The following SLFN14 variants were observed in gnomAD, a reference collection of about 807,000 sequenced individuals.
SLFN14 encodes protein SLFN14.
SLFN14 carries 47 observed loss-of-function variants against 58.6 expected under a neutral mutation model. The ratio of observed to expected loss-of-function variants is 0.80; its 90% confidence interval spans 0.64 to 1.02. The LOEUF (loss-of-function observed/expected upper bound fraction) is 1.02, where lower values mean the gene tolerates loss of function less well. Among genes scored for constraint, SLFN14 ranks in the 50% least tolerant of loss-of-function variants. The pLI is 0.00. For synonymous variants in SLFN14, 390 were observed against 387.3 expected (o/e 1.01, Z -0.08); for missense variants, 967 against 1,078.4 (o/e 0.90, Z 1.45).
chr17:35,556,401 G>C (rs996485257), intron 3 of SLFN14, among the ~76,000 whole-genome samples: 5 of 152,146 alleles, frequency 3.3e-5, no homozygotes, highest in African/African-American at 1.2e-4. Flanking sequence ...GGGATGATCA[G>C]CCTGCACAAT....
chr17:35,549,111 A>G, intron 5 of SLFN14, 38 bp from the exon 6 acceptor site: 6 of 1,444,334 alleles, frequency 4.2e-6, no homozygotes, highest in Non-Finnish European at 5.7e-6. Context: ...AGGCATATCA[A>G]CAAAGAGAAC....
rs2072552449 is a variant in SLFN14 at position 35,548,457 on chromosome 17, T to A, written c.2521A>T (p.Thr841Ser). The change falls in exon 6 of 6, where the codon ACC becomes TCC. Residue 841 changes from threonine (T) to serine (S), a missense_variant. Thr to Ser is a moderately conservative substitution (Grantham distance 58, BLOSUM62 1). Coordinates refer to ENST00000674182, the MANE Select transcript of SLFN14 (RefSeq NM_001129820.2). Reference protein sequence around the residue: ...ALLKAMELIETHRPSEVVFSP... With the variant: ...ALLKAMELIESHRPSEVVFSP... ...AACACAACCTCTGATGGTCTGTGGGTCTCAATTAATTCCATTGCTTTGAGT... is the reference window on the plus strand; with the variant it reads ...AACACAACCTCTGATGGTCTGTGGGACTCAATTAATTCCATTGCTTTGAGT... 4 of 1,551,702 alleles carry A rather than the reference T, an allele frequency of 2.6e-6. No individual in the cohort carries two copies. The highest frequency in any genetic ancestry group is 3.5e-6 in the Non-Finnish European group (4 of 1,146,998).
chr17:35,550,578 G>T (rs1190672406), intron 5 of SLFN14, among the ~76,000 whole-genome samples: 1 of 152,182 alleles, frequency 6.6e-6, no homozygotes, highest in Non-Finnish European at 1.5e-5. Context: ...TAATTAAAAT[G>T]AGCATGTCTT....
Position 35,553,501 on chromosome 17 carries a change from C to T in SLFN14, c.1190-57G>A, listed in dbSNP as rs1224547857. On this transcript the variant is annotated intron_variant, in intron 4 of 5. Coordinates refer to ENST00000674182, the MANE Select transcript of SLFN14 (RefSeq NM_001129820.2). ...CTTACAAAAGCATGTGGTAAGTATT[C>T]CTGCAACGTTGCAGAAAAAAATGAT... The T allele has an allele frequency of 2.3e-6, 3 of 1,329,266 alleles. No homozygotes were observed. In the East Asian group the frequency reaches 7.6e-5, roughly 34 times the overall value. 82.3% of individuals were successfully genotyped at this position (1,329,266 alleles called of 1,614,324 possible). A position where few individuals can be genotyped will look rare whatever the true frequency, so the allele number is the denominator to read the frequency against.
Position 35,557,648 on chromosome 17 carries a change from T to C in SLFN14, c.415A>G (p.Ile139Val), listed in dbSNP as rs1162796519. 5 of 1,551,602 alleles carry C rather than the reference T, an allele frequency of 3.2e-6. No homozygotes were observed. The highest frequency in any genetic ancestry group is 1.7e-4 in the Middle Eastern group (1 of 6,014). The change falls in exon 3 of 6, where the codon ATC becomes GTC. Residue 139 changes from isoleucine to valine, a missense_variant. Physicochemically the swap from Ile to Val is conservative, Grantham distance 29. Transcript: ENST00000674182. ...AGGGCACTGCTAGCACTCAAGTTGA[T>C]AGCAGAAGTCACATCTCTCCGATAC... ...NLYRRDVTSA[I>V]NLSASSALEL...
Position 35,553,429 on chromosome 17 carries a change from A to G in SLFN14, c.1205T>C (p.Val402Ala). ...ACAGAGGGATTCTGGTTTAAATTGT[A>G]CCTCTTCCTGTGTCACTGAAAATTC... ...RHLFPVTQEE[V>A]QFKPESLCKK... The change falls in exon 5 of 6, where the codon GTA becomes GCA. Residue 402 changes from valine to alanine, a missense_variant. Physicochemically the swap from Val to Ala is moderately conservative, Grantham distance 64. Coordinates refer to ENST00000674182, the MANE Select transcript of SLFN14 (RefSeq NM_001129820.2). 1 of 1,545,270 alleles carries G rather than the reference A, an allele frequency of 6.5e-7. No individual in the cohort carries two copies. Among genetic ancestry groups the G allele is most frequent in the Non-Finnish European group, 8.7e-7 (1 of 1,143,510 alleles).
At chr17:35,554,099 C>A (rs2072625196) in intron 4 of SLFN14, among the ~76,000 whole-genome samples, 1 of 151,948 alleles carries the variant, frequency 6.6e-6, no homozygotes, top group African/African-American at 2.4e-5. Context: ...AGAAACCCTG[C>A]TTTAGAAGAA....
At chr17:35,559,086 T>C (rs533533156) in intron 2 of SLFN14, among the ~76,000 whole-genome samples, 1 of 150,368 alleles carries the variant, frequency 6.7e-6, no homozygotes, top group South Asian at 2.1e-4. Context: ...ATTAGGCAGG[T>C]ATGGTGGTGC....
At position 35,547,438 on chromosome 17, in the gene SLFN14, C is replaced by T. The variant is rs2072542722; in HGVS notation, c.*801G>A. On this transcript the variant is annotated 3_prime_UTR_variant, in exon 6 of 6. Coordinates refer to ENST00000674182, the MANE Select transcript of SLFN14 (RefSeq NM_001129820.2). ...AGATTTGAATCAAATTACCAGCTTC[C>T]CTTACTGTAAGGCTATGTTCATATA... Among the ~76,000 whole-genome samples, 1 of 152,086 alleles carries T rather than the reference C, an allele frequency of 6.6e-6. No individual in the cohort carries two copies. The highest frequency in any genetic ancestry group is 1.5e-5 in the Non-Finnish European group (1 of 68,032).
chr17:35,560,772 C>G lies in SLFN14; in HGVS notation c.-129G>C, dbSNP rs2072691598. The stretch of plus-strand genomic sequence containing the variant: ...ATTTTTTTTTTTTTTTTTACCTATG[C>G]TCCTGTGTTTCCTCTTGCTGCTTCA... On this transcript the variant is annotated 5_prime_UTR_variant, in exon 1 of 6. Coordinates refer to ENST00000674182, the MANE Select transcript of SLFN14 (RefSeq NM_001129820.2). 7.3e-6 allele frequency among the ~76,000 whole-genome samples: 1 copy of G among 136,472 alleles called. No homozygotes were observed. Among genetic ancestry groups the G allele is most frequent in the East Asian group, 2.1e-4 (1 of 4,754 alleles). 89.5% of individuals were successfully genotyped at this position (136,472 alleles called of 152,430 possible). A position where few individuals can be genotyped will look rare whatever the true frequency, so the allele number is the denominator to read the frequency against.
chr17:35,551,110 G>A (rs1435708816), intron 5 of SLFN14, among the ~76,000 whole-genome samples: 1 of 152,088 alleles, frequency 6.6e-6, no homozygotes, highest in Non-Finnish European at 1.5e-5. Flanking sequence ...GATGTTTAAG[G>A]TTGAACATTA....
rs1597899716 is a variant in SLFN14, at chr17:35,547,370, C to T, written c.*869G>A. Reference sequence around the variant, plus strand: ...GTGGCTTTTGCACTTTTGCACCAACCTAATAGATATTGCAATAGTCTAATA... The same window carrying T: ...GTGGCTTTTGCACTTTTGCACCAACTTAATAGATATTGCAATAGTCTAATA... On this transcript the variant is annotated 3_prime_UTR_variant, in exon 6 of 6. Transcript: ENST00000674182. 1.3e-5 allele frequency among the ~76,000 whole-genome samples: 2 copies of T among 152,018 alleles called. No individual in the cohort carries two copies. Among genetic ancestry groups the T allele is most frequent in the Non-Finnish European group, 2.9e-5 (2 of 68,012 alleles).
chr17:35,553,075 C>T lies in SLFN14; in HGVS notation c.1559G>A (p.Ser520Asn), dbSNP rs556021028. The T allele has an allele frequency of 9.7e-6, 15 of 1,551,668 alleles. No homozygotes were observed. In the East Asian group the frequency reaches 1.2e-4, roughly 13 times the overall value. Residue 520 changes from serine (S) to asparagine (N), a missense_variant, in exon 5 of 6, where the codon AGT (serine) becomes AAT (asparagine). Ser to Asn is a conservative substitution (Grantham distance 46). Transcript: ENST00000674182. ...ACGCAGGGGGATCTCACCAGGTCTA[C>T]TCTGTGTGCTGCTCAGGTGTATCAG... ...PRLIHLSSTQ[S>N]RPGEIPLRYP...
intron 5 of SLFN14, among the ~76,000 whole-genome samples, chr17:35,550,597 T>C (rs1475308881): frequency 6.6e-5 from 10 of 152,218 alleles, no homozygotes; most frequent in African/African-American, 4.8e-5. Flanking sequence ...TTTATTATTA[T>C]ACAATACTCA....
At chr17:35,556,794 G>A (rs2072656077) in intron 3 of SLFN14, among the ~76,000 whole-genome samples, 1 of 152,042 alleles carries the variant, frequency 6.6e-6, no homozygotes, top group Non-Finnish European at 1.5e-5. Flanking sequence ...AAGTTGTTTA[G>A]GCCATAGAAT....
At chr17:35,552,163 T>A (rs1302489439) in intron 5 of SLFN14, among the ~76,000 whole-genome samples, 1 of 152,076 alleles carries the variant, frequency 6.6e-6, no homozygotes, top group Non-Finnish European at 1.5e-5. Flanking sequence ...CGAGGAAATC[T>A]CAACTGCAGA....
chr17:35,559,232 TA>T (rs1597913264), intron 2 of SLFN14, among the ~76,000 whole-genome samples: 1 of 151,850 alleles, frequency 6.6e-6, no homozygotes, highest in East Asian at 1.9e-4. Flanking sequence ...TCTAAAAAAA[TA>T]AAAATAAAAG....
intron 1 of SLFN14, among the ~76,000 whole-genome samples, chr17:35,560,216 C>T (rs1022791732): frequency 6.6e-6 from 1 of 152,228 alleles, no homozygotes; most frequent in Admixed American, 6.5e-5. Flanking sequence ...CCTATGGTCT[C>T]GTGACTCGTA....
intron 2 of SLFN14, among the ~76,000 whole-genome samples, chr17:35,558,575 G>A (rs1049537126): frequency 6.6e-6 from 1 of 151,752 alleles, no homozygotes; most frequent in African/African-American, 2.4e-5. Flanking sequence ...AATTATCTTT[G>A]ATACTGCTGT....
Sources: allele counts gnomAD v4.1 joint callset (sites outside exome capture counted in the v4.1 genomes callset), GRCh38; gene constraint gnomAD v4.1.1; transcripts MANE v1.5; gene names NCBI Gene and HGNC (gene_info 2026-07-23, HGNC 2026-07-21).